Variants in EFTUD2 observed in about 807,000 individuals in gnomAD.
The protein encoded by EFTUD2 is 116 kDa U5 small nuclear ribonucleoprotein component.
EFTUD2 carries 9 observed loss-of-function variants against 114.3 expected under a neutral mutation model. The observed-to-expected ratio is 0.08, with a 90% CI of 0.05 to 0.14. The LOEUF is 0.14. Ranked by LOEUF, EFTUD2 falls within the 10% of genes least tolerant of loss-of-function variation. The pLI is 1.00. For synonymous variants in EFTUD2, 449 were observed against 462.3 expected, an observed-to-expected ratio of 0.97 and a Z score of 0.37; for missense variants, 765 against 1,241.2, an observed-to-expected ratio of 0.62 and a Z score of 5.76.
At chr17:44,897,231 A>G (rs2051405293) in intron 1 of EFTUD2, among the ~76,000 whole-genome samples, 1 of 151,640 alleles carries the variant, frequency 6.6e-6, no homozygotes, top group African/African-American at 2.4e-5. Context: ...AAAAAAAAAA[A>G]AAAAAGAATT....
intron 27 of EFTUD2, 106 bp from the exon 28 acceptor site, chr17:44,851,475 G>A: frequency 3.0e-6 from 3 of 996,012 alleles, no homozygotes; most frequent in Non-Finnish European, 1.6e-6. Context: ...TGGCTGGAAT[G>A]TAGGTGGTGG....
chr17:44,885,778 C>G (rs2051160214), intron 3 of EFTUD2, among the ~76,000 whole-genome samples: 1 of 152,106 alleles, frequency 6.6e-6, no homozygotes, highest in African/African-American at 2.4e-5. Context: ...AGGCATCTAC[C>G]ACCATGCCCA....
chr17:44,880,653 A>T lies in EFTUD2; in HGVS notation c.529-9T>A. The T allele has an allele frequency of 6.2e-7, 1 of 1,611,784 alleles. No homozygotes were observed. Among genetic ancestry groups the T allele is most frequent in the South Asian group, 1.1e-5 (1 of 90,980 alleles). ...TTGATGCCTACACCTCTCTGAAAGGAACAAAGAGTGGTCAAGACCTCTTCC... is the reference window on the plus strand; with the variant it reads ...TTGATGCCTACACCTCTCTGAAAGGTACAAAGAGTGGTCAAGACCTCTTCC... On this transcript the variant is annotated splice_polypyrimidine_tract_variant and intron_variant, in intron 7 of 27. Coordinates refer to ENST00000426333, the MANE Select transcript of EFTUD2 (RefSeq NM_004247.4).
At chr17:44,857,813 C>T (rs2050583877) in intron 19 of EFTUD2, among the ~76,000 whole-genome samples, 1 of 152,132 alleles carries the variant, frequency 6.6e-6, no homozygotes. Flanking sequence ...AAACCACCCA[C>T]TCTGAGACCT....
chr17:44,895,489 C>A (rs2051365835), intron 1 of EFTUD2, among the ~76,000 whole-genome samples: 1 of 137,936 alleles, frequency 7.2e-6, no homozygotes, highest in Admixed American at 7.2e-5. Context: ...GAACAAGACT[C>A]CATCTCAAAA....
chr17:44,860,083 AT>A, intron 17 of EFTUD2, 38 bp from the exon 18 acceptor site: 1 of 1,614,158 alleles, frequency 6.2e-7, no homozygotes, highest in Non-Finnish European at 8.5e-7. Flanking sequence ...GGCAACTGGC[AT>A]GAGCAGGCAC....
rs369871913 is a variant in EFTUD2, at chr17:44,893,544, C to G, written c.105+873G>C. ...AATTATTCATGACTGTTAAAAGACA[C>G]TTCAGGGAAATGGAAGAACTAATGA... is the stretch of plus-strand genomic sequence containing the variant. On this transcript the variant is annotated intron_variant, in intron 2 of 27. Transcript: ENST00000426333. Among the ~76,000 whole-genome samples the G allele has an allele frequency of 1.0e-3, 155 of 152,284 alleles. 5 individuals are homozygous for G. The South Asian group carries it at 0.03, about 30-fold the overall frequency.
intron 10 of EFTUD2, 53 bp downstream of exon 10, chr17:44,875,881 G>A: frequency 6.3e-7 from 1 of 1,591,260 alleles, no homozygotes. Flanking sequence ...GGTATTCAGG[G>A]TTAAAACCCA....
chr17:44,869,996 T>C (rs1036410966), intron 11 of EFTUD2, among the ~76,000 whole-genome samples: 2 of 152,224 alleles, frequency 1.3e-5, no homozygotes, highest in Admixed American at 1.3e-4. Flanking sequence ...TGTAAATGGA[T>C]TCTAGTTCCT....
intron 20 of EFTUD2, among the ~76,000 whole-genome samples, chr17:44,855,445 C>A (rs2050532336): frequency 6.6e-6 from 1 of 151,894 alleles, no homozygotes; most frequent in Non-Finnish European, 1.5e-5. Flanking sequence ...CTGGCACATG[C>A]CTGTAATCAC....
chr17:44,863,512 CT>C, intron 15 of EFTUD2, 142 bp downstream of exon 15: 1 of 1,225,956 alleles, frequency 8.2e-7, no homozygotes, highest in Non-Finnish European at 1.1e-6. Context: ...CAACATCAGG[CT>C]TTGCATTCAG....
chr17:44,854,094 T>C lies in EFTUD2; in HGVS notation c.2347+175A>G. The C allele has an allele frequency of 7.0e-7, 1 of 1,430,628 alleles. No individual in the cohort carries two copies. Among genetic ancestry groups the C allele is most frequent in the African/African-American group, 1.4e-5 (1 of 70,080 alleles). 88.6% of individuals were successfully genotyped at this position (1,430,628 alleles called of 1,614,324 possible). A position where few individuals can be genotyped will look rare whatever the true frequency, so the allele number is the denominator to read the frequency against. On this transcript the variant is annotated intron_variant, in intron 23 of 27. Transcript: ENST00000426333. This position sits in a 1 kb window ranked among gnomAD's most constrained non-coding sequence, Gnocchi z 4.3. Reference sequence around the variant, plus strand: ...ATGACTTAAATTTCCATTTCCAGGCTACACCACCAGGATAAGGAAGGAAAA... The same window carrying C: ...ATGACTTAAATTTCCATTTCCAGGCCACACCACCAGGATAAGGAAGGAAAA...
intron 4 of EFTUD2, 180 bp from the exon 5 acceptor site, chr17:44,883,904 A>G: frequency 1.6e-6 from 1 of 615,640 alleles, no homozygotes; most frequent in South Asian, 1.9e-5. Flanking sequence ...CAAGAAACTT[A>G]TCCAAGAGGT....
At position 44,851,192 on chromosome 17, in the gene EFTUD2, G is replaced by C. The variant is rs1481601181; in HGVS notation, c.*82C>G. The C allele has an allele frequency of 2.6e-6, 3 of 1,151,476 alleles. No individual in the cohort carries two copies. Among genetic ancestry groups the C allele is most frequent in the Non-Finnish European group, 3.9e-6 (3 of 765,520 alleles). 71.3% of individuals were successfully genotyped at this position (1,151,476 alleles called of 1,614,324 possible). On this transcript the variant is annotated 3_prime_UTR_variant, in exon 28 of 28. Transcript: ENST00000426333. ...CCAGACACTCTCTGACAACACGAAG[G>C]CCACGTCATATGAGGTCTCAGCTTC...
chr17:44,887,308 A>G (rs1383788668), intron 2 of EFTUD2, among the ~76,000 whole-genome samples: 2 of 152,158 alleles, frequency 1.3e-5, no homozygotes, highest in Non-Finnish European at 2.9e-5. Context: ...CAGCAAGTCC[A>G]CTCCTAAGTA....
intron 13 of EFTUD2, among the ~76,000 whole-genome samples, chr17:44,867,290 T>C (rs2050763157): frequency 6.7e-6 from 1 of 149,476 alleles, no homozygotes; most frequent in Admixed American, 6.7e-5. Flanking sequence ...CTTTTCCCTT[T>C]CCTTTGATTT....
intron 18 of EFTUD2, 143 bp downstream of exon 18, chr17:44,859,762 C>G: frequency 1.5e-6 from 2 of 1,341,144 alleles, no homozygotes; most frequent in Non-Finnish European, 2.1e-6. Context: ...CTTGACATGA[C>G]AGCCATAGGC....
intron 4 of EFTUD2, among the ~76,000 whole-genome samples, 153 bp downstream of exon 4, chr17:44,885,103 A>T (rs2051143440): frequency 6.6e-6 from 1 of 152,180 alleles, no homozygotes; most frequent in Admixed American, 6.5e-5. Context: ...ATTGACCCCA[A>T]ATATCCCAGC....
intron 19 of EFTUD2, 44 bp from the exon 20 acceptor site, chr17:44,857,201 T>C (rs2050573168): frequency 6.4e-7 from 1 of 1,565,502 alleles, no homozygotes; most frequent in East Asian, 2.2e-5. Flanking sequence ...TCTAATTTTG[T>C]TGGAAGGGCA....
Sources: allele counts gnomAD v4.1 joint callset (sites outside exome capture counted in the v4.1 genomes callset), GRCh38; gene constraint gnomAD v4.1.1; non-coding constraint Gnocchi (gnomAD v3.1); transcripts MANE v1.5; gene names NCBI Gene and HGNC (gene_info 2026-07-23, HGNC 2026-07-21).